The following ZBTB7C variants were observed in gnomAD, a reference collection of about 807,000 sequenced individuals.
ZBTB7C encodes the protein zinc finger and BTB domain containing 7C, also known as zinc finger and BTB domain-containing protein 7C.
A neutral mutation model predicts 25.7 loss-of-function variants in ZBTB7C; 8 were observed. The ratio of observed to expected loss-of-function variants is 0.31; its 90% CI spans 0.18 to 0.56. The LOEUF (loss-of-function observed/expected upper bound fraction) is 0.56. ZBTB7C is among the 20% of genes least tolerant of loss of function. ZBTB7C has a pLI of 0.91. For missense variants in ZBTB7C, 824 were observed against 855.2 expected, an observed-to-expected ratio of 0.96 and a Z score of 0.46; for synonymous variants, 394 against 369.0, an observed-to-expected ratio of 1.07 and a Z score of -0.78.
intron 2 of ZBTB7C, among the ~76,000 whole-genome samples, chr18:48,335,095 T>C (rs2046431034): frequency 6.6e-6 from 1 of 152,230 alleles, no homozygotes; most frequent in Non-Finnish European, 1.5e-5. Flanking sequence ...CACAGGCAGC[T>C]GTCACCACCA....
At chr18:48,375,983 G>A (rs527678179) in intron 1 of ZBTB7C, among the ~76,000 whole-genome samples, 2 of 152,332 alleles carry the variant, frequency 1.3e-5, no homozygotes, top group South Asian at 2.1e-4. Flanking sequence ...TTTCTCAAAT[G>A]GTAGTGTGCA....
At chr18:48,253,647 A>G (rs1241669163) in intron 2 of ZBTB7C, among the ~76,000 whole-genome samples, 1 of 152,160 alleles carries the variant, frequency 6.6e-6, no homozygotes, top group Non-Finnish European at 1.5e-5. Context: ...AAGAGAGAGA[A>G]AGAACCTCAG....
intron 3 of ZBTB7C, among the ~76,000 whole-genome samples, chr18:48,110,269 G>A (rs1598895836): frequency 6.6e-6 from 1 of 152,122 alleles, no homozygotes; most frequent in East Asian, 1.9e-4. Context: ...CAGTAAGGAC[G>A]CCGTGCCACT....
intron 3 of ZBTB7C, among the ~76,000 whole-genome samples, chr18:48,153,207 C>T (rs1204147749): frequency 1.3e-5 from 2 of 152,198 alleles, no homozygotes; most frequent in Non-Finnish European, 2.9e-5. Flanking sequence ...TTAGATGTTA[C>T]TGAGCATCTA....
intron 3 of ZBTB7C, among the ~76,000 whole-genome samples, chr18:48,161,857 T>A (rs1448815182): frequency 1.3e-5 from 2 of 150,344 alleles, no homozygotes; most frequent in African/African-American, 4.9e-5. Context: ...CGGGCGCCCC[T>A]CCCCGCGGCC....
intron 2 of ZBTB7C, among the ~76,000 whole-genome samples, chr18:48,216,034 A>G (rs1021174517): frequency 6.6e-6 from 1 of 152,126 alleles, no homozygotes; most frequent in African/African-American, 2.4e-5. Context: ...TTCCAAAAGG[A>G]GGAGAGTATA....
chr18:48,234,562 C>T (rs1747946452), intron 2 of ZBTB7C, among the ~76,000 whole-genome samples: 4 of 152,150 alleles, frequency 2.6e-5, no homozygotes, highest in African/African-American at 9.7e-5. Context: ...CGATTCACAG[C>T]ACACCATGAA....
At chr18:48,178,972 G>C (rs1215444703) in intron 3 of ZBTB7C, among the ~76,000 whole-genome samples, 1 of 152,208 alleles carries the variant, frequency 6.6e-6, no homozygotes, top group African/African-American at 2.4e-5. Context: ...CTGGTCCCAG[G>C]AGTGTGGCTT....
intron 3 of ZBTB7C, among the ~76,000 whole-genome samples, chr18:48,110,097 T>C (rs573606543): frequency 1.3e-5 from 2 of 152,210 alleles, no homozygotes; most frequent in Non-Finnish European, 2.9e-5. Flanking sequence ...ATGCGCTTTA[T>C]TGAATTTATG....
At chr18:48,295,852 G>A (rs1355009951) in intron 2 of ZBTB7C, among the ~76,000 whole-genome samples, 1 of 152,132 alleles carries the variant, frequency 6.6e-6, no homozygotes, top group Non-Finnish European at 1.5e-5. Flanking sequence ...CAGGCGAGTG[G>A]GGAAGAGATA....
intron 1 of ZBTB7C, among the ~76,000 whole-genome samples, chr18:48,365,396 T>C (rs888871779): frequency 1.3e-5 from 2 of 152,166 alleles, no homozygotes; most frequent in African/African-American, 4.8e-5. Flanking sequence ...TCCAATACAA[T>C]ATAGCAAAGG....
chr18:48,193,215 C>T (rs1044658075), intron 2 of ZBTB7C, among the ~76,000 whole-genome samples: 6 of 152,170 alleles, frequency 3.9e-5, no homozygotes, highest in African/African-American at 1.4e-4. Context: ...CCCAGCAACC[C>T]GGGCACCTCC....
At chr18:48,330,272 A>G (rs2046314221) in intron 2 of ZBTB7C, among the ~76,000 whole-genome samples, 1 of 152,194 alleles carries the variant, frequency 6.6e-6, no homozygotes, top group African/African-American at 2.4e-5. Context: ...TGAGGTCTCC[A>G]CCACAGTGCC....
intron 2 of ZBTB7C, among the ~76,000 whole-genome samples, chr18:48,221,475 C>A (rs539072778): frequency 6.8e-6 from 1 of 146,812 alleles, no homozygotes; most frequent in South Asian, 2.2e-4. Context: ...TAGTCTCCCT[C>A]TATACTGTCC....
At chr18:48,109,464 C>T (rs1297122452) in intron 3 of ZBTB7C, among the ~76,000 whole-genome samples, 1 of 152,156 alleles carries the variant, frequency 6.6e-6, no homozygotes, top group African/African-American at 2.4e-5. Context: ...CTTTCTAGAA[C>T]TGGAAAGATC....
At chr18:48,163,402 G>A (rs943755700) in intron 3 of ZBTB7C, among the ~76,000 whole-genome samples, 3 of 152,174 alleles carry the variant, frequency 2.0e-5, no homozygotes, top group Non-Finnish European at 4.4e-5. Context: ...GTAGCAATGT[G>A]GGGGAGAAGC....
In ZBTB7C at chr18:48,040,616, G is replaced by A. The variant is rs752717037; in HGVS notation, c.492C>T (p.Asp164=). The change falls in exon 4 of 5, where the codon GAC becomes GAT. Residue 164 remains aspartate (D), a synonymous_variant. Transcript: ENST00000590800. The stretch of plus-strand genomic sequence containing the variant: ...CAGCAAAGTCCTCCGTGTCATCATC[G>A]TCATCCTCCTCCTCTTCCTCCTCCT... ...EEEEEEEEED[D]DDDTEDFADQ... is the part of the protein sequence containing the mutation. 120 of 1,613,458 alleles carry A rather than the reference G, an allele frequency of 7.4e-5. No individual in the cohort carries two copies. In the South Asian group the frequency reaches 1.1e-3, roughly 15 times the overall value.
chr18:48,273,160 T>C (rs915747173), intron 2 of ZBTB7C, among the ~76,000 whole-genome samples: 2 of 152,198 alleles, frequency 1.3e-5, no homozygotes, highest in African/African-American at 2.4e-5. Context: ...GTAAATTGTA[T>C]CTCAATTTTT....
intron 2 of ZBTB7C, among the ~76,000 whole-genome samples, chr18:48,318,171 T>C (rs2045995453): frequency 1.3e-5 from 2 of 151,858 alleles, no homozygotes; most frequent in African/African-American, 4.8e-5. Flanking sequence ...CCACCCCCTA[T>C]TGATGACAGC....
Sources: gnomAD v4.1 joint callset for allele counts (sites outside exome capture counted in the v4.1 genomes callset) on GRCh38, gnomAD v4.1.1 for gene constraint, MANE v1.5 for transcripts, NCBI Gene and HGNC (gene_info 2026-07-23, HGNC 2026-07-21) for gene names.